Variants in AGPAT5 observed in about 807,000 individuals in gnomAD.
The protein encoded by AGPAT5 is 1-acyl-sn-glycerol-3-phosphate acyltransferase epsilon.
A neutral mutation model predicts 45.6 loss-of-function variants in AGPAT5; 46 were observed. The ratio of observed to expected loss-of-function variants is 1.01; its 90% CI spans 0.80 to 1.29. The LOEUF (loss-of-function observed/expected upper bound fraction) is 1.29, where lower values mean the gene tolerates loss of function less well. Among genes scored for constraint, AGPAT5 ranks in the 50% most tolerant of loss-of-function variants. AGPAT5 has a pLI of 0.00. For missense variants in AGPAT5, 673 were observed against 450.7 expected (o/e 1.49, Z -4.47); for synonymous variants, 272 against 167.0 (o/e 1.63, Z -4.85).
intron 1 of AGPAT5, among the ~76,000 whole-genome samples, chr8:6,711,408 C>G (rs1249796389): frequency 6.6e-6 from 1 of 152,186 alleles, no homozygotes; most frequent in Non-Finnish European, 1.5e-5. Context: ...CTCGTTTATC[C>G]TTTTAGGTCC....
chr8:6,748,845 C>A (rs1056136990), intron 6 of AGPAT5, among the ~76,000 whole-genome samples: 2 of 152,224 alleles, frequency 1.3e-5, no homozygotes, highest in Admixed American at 6.5e-5. Flanking sequence ...TCAGTAGGAT[C>A]TACTGAGGGC....
At chr8:6,749,476 G>A (rs1478620763) in intron 6 of AGPAT5, among the ~76,000 whole-genome samples, 2 of 152,188 alleles carry the variant, frequency 1.3e-5, no homozygotes, top group African/African-American at 4.8e-5. Flanking sequence ...AATTAAAACT[G>A]TACGAAATGC....
At position 6,757,341 on chromosome 8, in the gene AGPAT5, A is replaced by G; in HGVS notation, c.1048A>G (p.Ile350Val). 1.9e-6 allele frequency: 3 copies of G among 1,614,216 alleles called. No individual in the cohort carries two copies. Among genetic ancestry groups the G allele is most frequent in the Non-Finnish European group, 2.5e-6 (3 of 1,180,036 alleles). The change falls in exon 8 of 8, where the codon ATA (isoleucine) becomes GTA (valine). Residue 350 changes from isoleucine to valine, a missense_variant. Transcript: ENST00000285518. ...AAGGAAGCTGTATGTGAACACCTGG[A>G]TATATGGAACCCTACTTGGCTGCCT... ...AGRKLYVNTW[I>V]YGTLLGCLWV...
intron 4 of AGPAT5, among the ~76,000 whole-genome samples, chr8:6,735,412 C>T (rs896306972): frequency 6.6e-6 from 1 of 152,212 alleles, no homozygotes; most frequent in African/African-American, 2.4e-5. Flanking sequence ...TGGGTCGAGC[C>T]TGTGAAATGT....
At chr8:6,749,598 T>G (rs895891631) in intron 6 of AGPAT5, among the ~76,000 whole-genome samples, 7 of 152,202 alleles carry the variant, frequency 4.6e-5, no homozygotes, top group Non-Finnish European at 8.8e-5. Flanking sequence ...AATTTAAGTA[T>G]ATCTTCTTAT....
chr8:6,718,555 C>A (rs150153267), intron 1 of AGPAT5, among the ~76,000 whole-genome samples: 143 of 152,328 alleles, frequency 9.4e-4, no homozygotes, highest in Middle Eastern at 3.4e-3. Flanking sequence ...GTGGCAAGTT[C>A]TGTTAGATGT....
At position 6,741,641 on chromosome 8, in the gene AGPAT5, A is replaced by G. The variant is rs1284693185; in HGVS notation, c.496-20A>G. The G allele has an allele frequency of 3.2e-6, 5 of 1,555,330 alleles. No homozygotes were observed. The highest frequency in any genetic ancestry group is 4.6e-5 in the East Asian group (2 of 43,048). ...ACAAAGCTCACACAAAATAAACCAA[A>G]TTTGCTCTATGTCCCACAGATGTAT... On this transcript the variant is annotated intron_variant, in intron 4 of 7. Coordinates refer to ENST00000285518, the MANE Select transcript of AGPAT5 (RefSeq NM_018361.5).
At chr8:6,709,786 C>T (rs1800086392) in intron 1 of AGPAT5, among the ~76,000 whole-genome samples, 1 of 151,826 alleles carries the variant, frequency 6.6e-6, no homozygotes, top group South Asian at 2.1e-4. Flanking sequence ...ATTTAGTTTG[C>T]AGTTGCACTG....
Position 6,749,480 on chromosome 8 carries a change from G to A in AGPAT5, c.745+1652G>A, listed in dbSNP as rs187764494. On this transcript the variant is annotated intron_variant, in intron 6 of 7. Coordinates refer to ENST00000285518, the MANE Select transcript of AGPAT5 (RefSeq NM_018361.5). ...ATCAGTTTAAAAATTAAAACTGTAC[G>A]AAATGCACAGTGAAACGTCTTCCTT... 1.4e-3 allele frequency among the ~76,000 whole-genome samples: 206 copies of A among 152,266 alleles called. 2 individuals carry two copies. Among genetic ancestry groups the A allele is most frequent in the Non-Finnish European group, 9.1e-4 (62 of 68,012 alleles).
Position 6,757,810 on chromosome 8 carries a change from C to A in AGPAT5, c.*422C>A, listed in dbSNP as rs1280560317. 1 of 155,978 alleles carries A rather than the reference C, an allele frequency of 6.4e-6. No individual in the cohort carries two copies. Among genetic ancestry groups the A allele is most frequent in the African/African-American group, 2.4e-5 (1 of 41,454 alleles). 9.7% of individuals were successfully genotyped at this position (155,978 alleles called of 1,614,324 possible). A position where few individuals can be genotyped will look rare whatever the true frequency, so the allele number is the denominator to read the frequency against. ...TATTACTAAAGTATTTAGTATCTTG[C>A]AGCTAGTTAATATTTCATCTTTTGC... On this transcript the variant is annotated 3_prime_UTR_variant, in exon 8 of 8. Transcript: ENST00000285518.
chr8:6,725,063 C>T (rs1800640260), intron 2 of AGPAT5, 124 bp downstream of exon 2: 2 of 331,558 alleles, frequency 6.0e-6, no homozygotes, highest in East Asian at 4.7e-5. Flanking sequence ...GCAGATATTA[C>T]ACCTGTTCTT....
rs569444613 is a variant in AGPAT5 at position 6,714,754 on chromosome 8, G to GT, written c.219+5873dup. ...AGTTAAATGAACTTCTTACAGATCA[G>GT]TTTTTTAGTACAGTAGCACGAAATA... On this transcript the variant is annotated intron_variant, in intron 1 of 7. Transcript: ENST00000285518. 1.5e-3 allele frequency among the ~76,000 whole-genome samples: 225 copies of GT among 152,272 alleles called. 1 individual carries two copies. Among genetic ancestry groups the GT allele is most frequent in the Middle Eastern group, 6.8e-3 (2 of 292 alleles).
At chr8:6,731,054 A>C (rs1800845774) in intron 3 of AGPAT5, among the ~76,000 whole-genome samples, 1 of 151,786 alleles carries the variant, frequency 6.6e-6, no homozygotes, top group Non-Finnish European at 1.5e-5. Flanking sequence ...TTTTTTGTAG[A>C]GATGGGGGTC....
Position 6,721,548 on chromosome 8 carries a change from C to T in AGPAT5, c.220-3322C>T, listed in dbSNP as rs1278828900. 4.6e-5 allele frequency among the ~76,000 whole-genome samples: 7 copies of T among 152,150 alleles called. No homozygotes were observed. The East Asian group carries it at 7.7e-4, about 17-fold the overall frequency. ...ACTACAATCCCAGGAGGAGTAGTTA[C>T]TATTATTACACTCATTTTACAGGCA... On this transcript the variant is annotated intron_variant, in intron 1 of 7. Transcript: ENST00000285518.
At chr8:6,747,920 TA>T in intron 6 of AGPAT5, 92 bp downstream of exon 6, 1 of 1,367,676 alleles carries the variant, frequency 7.3e-7, no homozygotes, top group African/African-American at 1.4e-5. Context: ...AGGTTAAGTG[TA>T]CTTTTTTCCT....
chr8:6,718,193 A>G (rs185153088), intron 1 of AGPAT5, among the ~76,000 whole-genome samples: 18 of 152,366 alleles, frequency 1.2e-4, no homozygotes, highest in African/African-American at 3.6e-4. Context: ...GGGCAGTACC[A>G]AAAGACACAT....
intron 1 of AGPAT5, among the ~76,000 whole-genome samples, chr8:6,723,017 G>A (rs1800560060): frequency 2.6e-5 from 4 of 152,068 alleles, no homozygotes; most frequent in Admixed American, 6.6e-5. Flanking sequence ...ATTTGTAGAC[G>A]GAACTAATGT....
intron 4 of AGPAT5, chr8:6,738,286 T>C (rs999361797): frequency 2.0e-5 from 3 of 152,196 alleles, no homozygotes; most frequent in African/African-American, 7.2e-5. Context: ...GGGTTATTAA[T>C]TGGCCTAATT....
rs973663345 is a variant in AGPAT5 at position 6,719,059 on chromosome 8, A to G, written c.220-5811A>G. 2.0e-5 allele frequency among the ~76,000 whole-genome samples: 3 copies of G among 152,214 alleles called. No individual in the cohort carries two copies. In the East Asian group the frequency reaches 5.8e-4, roughly 29 times the overall value. ...GTCGAAGATTGTAAAAATTTGTTTT[A>G]AGTGCAAACAGTTTTTTATTCAGCT... On this transcript the variant is annotated intron_variant, in intron 1 of 7. Coordinates refer to ENST00000285518, the MANE Select transcript of AGPAT5 (RefSeq NM_018361.5).
Sources: allele counts gnomAD v4.1 joint callset (sites outside exome capture counted in the v4.1 genomes callset), GRCh38; gene constraint gnomAD v4.1.1; transcripts MANE v1.5; gene names NCBI Gene and HGNC (gene_info 2026-07-23, HGNC 2026-07-21).